The following RELL1 variants were observed in gnomAD, a reference collection of about 807,000 sequenced individuals.
RELL1 encodes the protein RELT-like protein 1.
A neutral mutation model predicts 23.0 loss-of-function variants in RELL1; 10 were observed. That is an observed-to-expected ratio of 0.43 (90% confidence interval 0.27 to 0.74). The LOEUF is 0.74. Ranked by LOEUF, RELL1 falls within the 30% of genes least tolerant of loss-of-function variation. The pLI is 0.19. For missense variants in RELL1, 315 were observed against 364.4 expected (o/e 0.86, Z 1.10); for synonymous variants, 146 against 146.8 (o/e 0.99, Z 0.04).
intron 6 of RELL1, among the ~76,000 whole-genome samples, chr4:37,624,809 A>G (rs973973015): frequency 5.3e-5 from 8 of 152,144 alleles, no homozygotes; most frequent in African/African-American, 1.9e-4. Context: ...AATACTATCT[A>G]TTTCTGAGAT....
rs544337615 is a variant in RELL1 at position 37,612,995 on chromosome 4, A to C, written c.*351T>G. ...CCCTGAGCATAAGCTCAGACTGTAC[A>C]TGAATAGTATCACTGCACATACTCA... is the stretch of plus-strand genomic sequence containing the variant. On this transcript the variant is annotated 3_prime_UTR_variant, in exon 7 of 7. Transcript: ENST00000454158. 1 of 152,366 alleles carries C rather than the reference A, an allele frequency of 6.6e-6. No individual in the cohort carries two copies. The highest frequency in any genetic ancestry group is 6.5e-5 in the Admixed American group (1 of 15,304). 9.4% of individuals were successfully genotyped at this position (152,366 alleles called of 1,614,324 possible).
intron 1 of RELL1, among the ~76,000 whole-genome samples, chr4:37,668,177 G>A (rs1721603528): frequency 6.6e-6 from 1 of 151,864 alleles, no homozygotes; most frequent in African/African-American, 2.4e-5. Flanking sequence ...AAAAAAGGGA[G>A]GAGGTATGCA....
intron 1 of RELL1, among the ~76,000 whole-genome samples, chr4:37,654,911 C>T (rs560198484): frequency 4.2e-4 from 64 of 151,872 alleles, no homozygotes; most frequent in African/African-American, 1.5e-3. Flanking sequence ...AACCAAAATG[C>T]TAAGTGATTC....
rs1346772601 is a variant in RELL1, at chr4:37,668,744, C to G, written c.88+17456G>C. 2.0e-5 allele frequency among the ~76,000 whole-genome samples: 3 copies of G among 147,936 alleles called. No individual in the cohort carries two copies. In the South Asian group the frequency reaches 6.3e-4, roughly 31 times the overall value. ...CTGGAAAGTGAGGAGCATCTCTGCC[C>G]GGCCGCCATCCCATCTAGGAAGTGA... On this transcript the variant is annotated intron_variant, in intron 1 of 6. Transcript: ENST00000454158.
At chr4:37,668,873 G>C (rs1440522245) in intron 1 of RELL1, among the ~76,000 whole-genome samples, 2 of 149,350 alleles carry the variant, frequency 1.3e-5, no homozygotes, top group Non-Finnish European at 1.5e-5. Flanking sequence ...CTGTCGCCTC[G>C]TCCGGGATGT....
In RELL1 at chr4:37,644,990, G is replaced by A. The variant is rs548494958; in HGVS notation, c.385+2378C>T. 1.1e-4 allele frequency among the ~76,000 whole-genome samples: 17 copies of A among 152,172 alleles called. No homozygotes were observed. The East Asian group carries it at 1.2e-3, about 10-fold the overall frequency. ...CAACACTGGCAACTTAGTTAAGTAC[G>A]GTGGGCTTCACTTTATAACATGGGA... is the stretch of plus-strand genomic sequence containing the variant. On this transcript the variant is annotated intron_variant, in intron 3 of 6. Coordinates refer to ENST00000454158, the MANE Select transcript of RELL1 (RefSeq NM_001085400.2).
downstream of RELL1, among the ~76,000 whole-genome samples, chr4:37,589,381 C>G (rs1473124859): frequency 6.6e-6 from 1 of 152,108 alleles, no homozygotes; most frequent in African/African-American, 2.4e-5. Context: ...CCACTGTAAT[C>G]ATACTGTGAT....
chr4:37,634,841 A>G, intron 5 of RELL1, 46 bp downstream of exon 5: 1 of 1,493,930 alleles, frequency 6.7e-7, no homozygotes. Flanking sequence ...CACACACCAG[A>G]GCACCCATGT....
At chr4:37,620,574 C>T (rs181268196) in intron 6 of RELL1, among the ~76,000 whole-genome samples, 1 of 152,336 alleles carries the variant, frequency 6.6e-6, no homozygotes, top group Admixed American at 6.5e-5. Context: ...CTACACTAAG[C>T]TACAGGCAGA....
At chr4:37,604,834 C>CACACAGACACACACAA (rs1560323726) in intron 6 of RELL1, among the ~76,000 whole-genome samples, 1 of 105,368 alleles carries the variant, frequency 9.5e-6, no homozygotes. Context: ...CACACACATA[C>CACACAGACACACACAA]ACACAGACAC....
Position 37,638,457 on chromosome 4 carries a change from C to A in RELL1, c.433G>T (p.Asp145Tyr), listed in dbSNP as rs769390390. The change falls in exon 4 of 7, where the codon GAT becomes TAT. Residue 145 changes from aspartate (D) to tyrosine (Y), a missense_variant. Asp to Tyr is a radical substitution (Grantham distance 160, BLOSUM62 -3). Transcript: ENST00000454158. The part of the protein sequence containing the change: ...KAMVADNSLY[D>Y]PESPVTPSTP... ...GGGAGGAGCACTCACCTTTCAGGAT[C>A]ATACAGGCTGTTATCTGCTACCATC... 48 of 1,612,468 alleles carry A rather than the reference C, an allele frequency of 3.0e-5. No homozygotes were observed. The Middle Eastern group carries it at 4.9e-4, about 17-fold the overall frequency.
intron 1 of RELL1, among the ~76,000 whole-genome samples, chr4:37,672,963 A>G (rs1006581006): frequency 1.3e-5 from 2 of 152,152 alleles, no homozygotes; most frequent in African/African-American, 4.8e-5. Flanking sequence ...ATATACCAAC[A>G]TACTTCCAAA....
downstream of RELL1, chr4:37,587,944 G>A (rs1417807566): frequency 6.6e-6 from 1 of 152,164 alleles, no homozygotes; most frequent in Non-Finnish European, 1.5e-5. Flanking sequence ...ACTCCAGCCT[G>A]GGCGACAGAG....
chr4:37,602,321 T>C (rs1288336535), intron 6 of RELL1, among the ~76,000 whole-genome samples: 1 of 150,962 alleles, frequency 6.6e-6, no homozygotes, highest in African/African-American at 2.4e-5. Flanking sequence ...GCAGGAAATA[T>C]GGTCTTCACC....
intron 1 of RELL1, among the ~76,000 whole-genome samples, 170 bp downstream of exon 1, chr4:37,686,030 A>G (rs534016885): frequency 2.0e-5 from 3 of 152,120 alleles, no homozygotes; most frequent in African/African-American, 7.2e-5. Flanking sequence ...GTTGCCACGC[A>G]CCGCGCCCTG....
In RELL1 at chr4:37,611,211, G is replaced by A. The variant is rs1719364553; in HGVS notation, c.*2135C>T. ...GAGGGCATATTTTTAAAGCAAAAAA[G>A]TATGCTTATTTGTTTTTAATTAAAA... On this transcript the variant is annotated 3_prime_UTR_variant, in exon 7 of 7. Transcript: ENST00000454158. Among the ~76,000 whole-genome samples the A allele has an allele frequency of 6.6e-6, 1 of 152,092 alleles. No individual in the cohort carries two copies. Among genetic ancestry groups the A allele is most frequent in the African/African-American group, 2.4e-5 (1 of 41,436 alleles).
intron 6 of RELL1, among the ~76,000 whole-genome samples, chr4:37,621,395 G>A (rs912536969): frequency 3.9e-5 from 6 of 152,064 alleles, no homozygotes; most frequent in Non-Finnish European, 7.4e-5. Context: ...GGCAGAGCTT[G>A]CAGTGAGCCA....
intron 1 of RELL1, among the ~76,000 whole-genome samples, chr4:37,680,887 G>A (rs953407892): frequency 9.6e-5 from 14 of 146,566 alleles, no homozygotes; most frequent in African/African-American, 3.1e-4. Context: ...AGCTGAGATC[G>A]CGCCGCTGCA....
intron 6 of RELL1, among the ~76,000 whole-genome samples, chr4:37,616,327 AC>A (rs1314741611): frequency 9.2e-5 from 14 of 152,230 alleles, no homozygotes; most frequent in Admixed American, 8.5e-4. Context: ...AGGCAGTAAG[AC>A]CTGGAAGACC....
Sources: gnomAD v4.1 joint callset for allele counts (sites outside exome capture counted in the v4.1 genomes callset) on GRCh38, gnomAD v4.1.1 for gene constraint, MANE v1.5 for transcripts, NCBI Gene and HGNC (gene_info 2026-07-23, HGNC 2026-07-21) for gene names.